UPF2: variants seen among roughly 807,000 people sequenced by gnomAD.
UPF2 encodes the protein UPF2 regulator of nonsense mediated mRNA decay, also known as regulator of nonsense transcripts 2.
UPF2 carries 17 observed loss-of-function variants against 141.4 expected under a neutral mutation model. The ratio of observed to expected loss-of-function variants is 0.12; its 90% CI spans 0.08 to 0.18. The LOEUF is 0.18. UPF2 is among the 10% of genes least tolerant of loss of function. The pLI, the probability that UPF2 is intolerant of heterozygous loss-of-function variation, is 1.00. For synonymous variants in UPF2, 540 were observed against 498.0 expected (o/e 1.08, Z -1.12); for missense variants, 1,152 against 1,515.9 (o/e 0.76, Z 3.99).
At chr10:12,001,578 A>C (rs1324199430) in intron 6 of UPF2, 98 bp downstream of exon 6, 1 of 1,229,030 alleles carries the variant, frequency 8.1e-7, no homozygotes, top group Non-Finnish European at 1.1e-6. Flanking sequence ...CAAGGAATTA[A>C]AAAATACAGA....
intron 16 of UPF2, among the ~76,000 whole-genome samples, chr10:11,944,815 G>A (rs1208607691): frequency 1.3e-5 from 2 of 152,172 alleles, no homozygotes; most frequent in Non-Finnish European, 2.9e-5. Context: ...ATAATAATGG[G>A]TGGAATTAAG....
At chr10:11,950,714 G>C (rs927401260) in intron 15 of UPF2, among the ~76,000 whole-genome samples, 1 of 152,192 alleles carries the variant, frequency 6.6e-6, no homozygotes, top group African/African-American at 2.4e-5. Flanking sequence ...TCCAAAGCAA[G>C]TGAAATAAGT....
At chr10:11,997,259 A>T (rs1833879736) in intron 8 of UPF2, among the ~76,000 whole-genome samples, 1 of 152,100 alleles carries the variant, frequency 6.6e-6, no homozygotes, top group Admixed American at 6.6e-5. Context: ...TAATTACCTA[A>T]ATAACTTGAA....
At chr10:12,006,938 AG>A (rs1313748436) in intron 4 of UPF2, among the ~76,000 whole-genome samples, 1 of 152,178 alleles carries the variant, frequency 6.6e-6, no homozygotes, top group Non-Finnish European at 1.5e-5. Flanking sequence ...TAGAACTTTC[AG>A]CCCCACTCAC....
At chr10:11,960,493 A>G (rs1056443929) in intron 11 of UPF2, among the ~76,000 whole-genome samples, 4 of 152,172 alleles carry the variant, frequency 2.6e-5, no homozygotes, top group African/African-American at 9.7e-5. Flanking sequence ...ACGTGAGCCC[A>G]GAAGCTCGAG....
intron 4 of UPF2, among the ~76,000 whole-genome samples, chr10:12,011,821 T>C (rs890423058): frequency 6.6e-6 from 1 of 151,182 alleles, no homozygotes; most frequent in Non-Finnish European, 1.5e-5. Flanking sequence ...GGCACATGCC[T>C]GTAATCCCAG....
chr10:11,924,569 T>C (rs924058411), intron 21 of UPF2, among the ~76,000 whole-genome samples: 15 of 131,372 alleles, frequency 1.1e-4, no homozygotes, highest in African/African-American at 3.9e-4. Context: ...CAGAGCAACA[T>C]GTCGTCTCAA....
intron 2 of UPF2, among the ~76,000 whole-genome samples, chr10:12,031,118 G>A (rs575084753): frequency 6.7e-6 from 1 of 148,318 alleles, no homozygotes; most frequent in Non-Finnish European, 1.5e-5. Context: ...AGCTTGCAGT[G>A]AGCCGATATA....
chr10:11,946,598 A>C (rs1380288171), intron 16 of UPF2, among the ~76,000 whole-genome samples: 1 of 152,230 alleles, frequency 6.6e-6, no homozygotes, highest in African/African-American at 2.4e-5. Context: ...TCATGACTTA[A>C]ATTTTAATTT....
rs914823930 is a variant in UPF2, at chr10:11,992,499, C to T, written c.1844+5173G>A. 6.6e-6 allele frequency among the ~76,000 whole-genome samples: 1 copy of T among 152,084 alleles called. No individual in the cohort carries two copies. Among genetic ancestry groups the T allele is most frequent in the Admixed American group, 6.6e-5 (1 of 15,260 alleles). On this transcript the variant is annotated intron_variant, in intron 8 of 21. Coordinates refer to ENST00000357604, the MANE Select transcript of UPF2 (RefSeq NM_015542.4). This position sits in a 1 kb window ranked among gnomAD's most constrained non-coding sequence, Gnocchi z 4.1. ...AACAGAGACTGTCTAAATAAATAAT[C>T]GCTAAGCAAACTTACAATCATAAAG...
intron 8 of UPF2, among the ~76,000 whole-genome samples, chr10:11,988,827 C>T (rs555806274): frequency 6.6e-6 from 1 of 152,206 alleles, no homozygotes; most frequent in East Asian, 1.9e-4. Context: ...CCCCTTATCT[C>T]CTCGCTTGAG....
intron 4 of UPF2, among the ~76,000 whole-genome samples, chr10:12,006,589 C>A (rs971756569): frequency 2.0e-5 from 3 of 152,068 alleles, no homozygotes; most frequent in Non-Finnish European, 4.4e-5. Flanking sequence ...TAAACCCATA[C>A]ACCAAAAAGA....
intron 11 of UPF2, among the ~76,000 whole-genome samples, chr10:11,962,495 T>C (rs909096053): frequency 6.6e-6 from 1 of 152,036 alleles, no homozygotes; most frequent in East Asian, 1.9e-4. Flanking sequence ...TCCTAAAAAT[T>C]TTCATATAGC....
intron 4 of UPF2, among the ~76,000 whole-genome samples, chr10:12,013,334 T>C (rs1043358345): frequency 2.4e-4 from 36 of 149,464 alleles, no homozygotes; most frequent in Admixed American, 1.5e-3. Flanking sequence ...TGGAGTGCAG[T>C]GGCACAATCT....
chr10:11,959,113 C>T lies in UPF2; in HGVS notation c.2370+58G>A. The T allele has an allele frequency of 6.6e-7, 1 of 1,514,102 alleles. No individual in the cohort carries two copies. Among genetic ancestry groups the T allele is most frequent in the Non-Finnish European group, 8.8e-7 (1 of 1,135,260 alleles). 93.8% of individuals were successfully genotyped at this position (1,514,102 alleles called of 1,614,324 possible). A position where few individuals can be genotyped will look rare whatever the true frequency, so the allele number is the denominator to read the frequency against. ...CCACTTCTCCTAGACTCTACATAAG[C>T]TTAGCACTACCACAAATCTCACGTT... On this transcript the variant is annotated intron_variant, in intron 12 of 21. Transcript: ENST00000357604. The surrounding 1 kb of genome is among the most constrained non-coding windows in gnomAD (Gnocchi z 5.9).
intron 21 of UPF2, among the ~76,000 whole-genome samples, chr10:11,929,116 C>A (rs1452380212): frequency 6.6e-6 from 1 of 152,354 alleles, no homozygotes; most frequent in East Asian, 1.9e-4. Flanking sequence ...CACTGCACTC[C>A]AGCCTGGGCG....
intron 16 of UPF2, among the ~76,000 whole-genome samples, chr10:11,944,884 G>T (rs945271531): frequency 6.6e-6 from 1 of 152,334 alleles, no homozygotes. Flanking sequence ...GAGGAACAGT[G>T]TCGCAAAAGG....
At chr10:11,938,853 G>GTTTTTTTTTTGT (rs1832890354) in intron 18 of UPF2, among the ~76,000 whole-genome samples, 5 of 79,820 alleles carry the variant, frequency 6.3e-5, no homozygotes, top group African/African-American at 2.5e-4. Context: ...TTTTTTTTTT[G>GTTTTTTTTTTGT]TTTTTTTTTT....
intron 21 of UPF2, among the ~76,000 whole-genome samples, chr10:11,928,171 A>T (rs1832735914): frequency 6.6e-6 from 1 of 152,144 alleles, no homozygotes; most frequent in Non-Finnish European, 1.5e-5. Context: ...CCCCATCTCT[A>T]CTAAAAACAC....
Sources: allele counts gnomAD v4.1 joint callset (sites outside exome capture counted in the v4.1 genomes callset), GRCh38; gene constraint gnomAD v4.1.1; non-coding constraint Gnocchi (gnomAD v3.1); transcripts MANE v1.5; gene names NCBI Gene and HGNC (gene_info 2026-07-23, HGNC 2026-07-21).